STRIP1: variants seen among roughly 807,000 people sequenced by gnomAD.
The protein encoded by STRIP1 is striatin-interacting protein 1.
STRIP1 carries 63 observed loss-of-function variants against 106.2 expected under a neutral mutation model. The ratio of observed to expected loss-of-function variants is 0.59; its 90% confidence interval spans 0.48 to 0.73. The LOEUF (loss-of-function observed/expected upper bound fraction) is 0.73, where lower values mean the gene tolerates loss of function less well. Ranked by LOEUF, STRIP1 falls within the 30% of genes least tolerant of loss-of-function variation. The pLI is 0.00. For missense variants in STRIP1, 857 were observed against 1,074.8 expected, an observed-to-expected ratio of 0.80 and a Z score of 2.83; for synonymous variants, 390 against 413.0, an observed-to-expected ratio of 0.94 and a Z score of 0.67.
intron 10 of STRIP1, 57 bp downstream of exon 10, chr1:110,043,913 C>G (rs932753397): frequency 1.3e-6 from 2 of 1,505,746 alleles, no homozygotes; most frequent in Non-Finnish European, 1.8e-6. Context: ...CTCACACCCT[C>G]AGGCCTGCCA....
chr1:110,038,394 G>A (rs1388562000), intron 2 of STRIP1: 1 of 393,830 alleles, frequency 2.5e-6, no homozygotes, highest in East Asian at 5.0e-5. Flanking sequence ...AGAGGTAGCA[G>A]CCATTTGAGA....
chr1:110,043,564 G>C (rs932720815), intron 9 of STRIP1, 75 bp from the exon 10 acceptor site: 4 of 1,317,616 alleles, frequency 3.0e-6, no homozygotes, highest in African/African-American at 1.5e-5. Context: ...TGTATGTGCT[G>C]TGTCTCCTCT....
chr1:110,047,758 T>C lies in STRIP1; in HGVS notation c.1564-14T>C, dbSNP rs552598062. The stretch of plus-strand genomic sequence containing the variant: ...GGCTCTCAGACCTGTGTCTGAATGG[T>C]CTACTCTTCCCAGATTGCCCTCCTG... On this transcript the variant is annotated splice_polypyrimidine_tract_variant and intron_variant, in intron 14 of 20. Coordinates refer to ENST00000369795, the MANE Select transcript of STRIP1 (RefSeq NM_033088.4). 4 of 1,560,108 alleles carry C rather than the reference T, an allele frequency of 2.6e-6. No individual in the cohort carries two copies. The African/African-American group carries it at 5.4e-5, about 21-fold the overall frequency.
Position 110,047,601 on chromosome 1 carries a change from C to A in STRIP1, c.1548C>A (p.Ser516Arg). ...CCCTCTACCAAGGCTTGCTCCCCAG[C>A]CTGCCTCAGTATATGGTGAGTGGTG... ...AETLYQGLLP[S>R]LPQYMIALLK... The change falls in exon 14 of 21, where the codon AGC becomes AGA. Residue 516 changes from serine to arginine, a missense_variant. Ser to Arg is a moderately radical substitution (Grantham distance 110). Coordinates refer to ENST00000369795, the MANE Select transcript of STRIP1 (RefSeq NM_033088.4). 6.2e-7 allele frequency: 1 copy of A among 1,610,652 alleles called. No homozygotes were observed. The highest frequency in any genetic ancestry group is 8.5e-7 in the Non-Finnish European group (1 of 1,178,384).
Position 110,045,045 on chromosome 1 carries a change from G to A in STRIP1, c.1383G>A (p.Arg461=). 6.2e-7 allele frequency: 1 copy of A among 1,614,108 alleles called. No homozygotes were observed. Among genetic ancestry groups the A allele is most frequent in the Non-Finnish European group, 8.5e-7 (1 of 1,180,010 alleles). The part of the protein sequence containing the change: ...SDTNTVVGLP[R]PIHESIKTLK... ...CGAACACAGTGGTGGGGCTGCCCAG[G>A]CCAATCCACGAAAGCATCAAGACTC... The change falls in exon 12 of 21, where the codon AGG becomes AGA. Residue 461 remains arginine (R), a synonymous_variant. Coordinates refer to ENST00000369795, the MANE Select transcript of STRIP1 (RefSeq NM_033088.4).
At chr1:110,046,654 C>G in intron 12 of STRIP1, 26 bp from the exon 13 acceptor site, 1 of 1,609,688 alleles carries the variant, frequency 6.2e-7, no homozygotes, top group South Asian at 1.1e-5. Flanking sequence ...TTTCCCCAGC[C>G]CTTCTTTTCC....
chr1:110,042,818 A>T (rs1652826938), intron 8 of STRIP1: 1 of 350,054 alleles, frequency 2.9e-6, no homozygotes, highest in Admixed American at 4.6e-5. Flanking sequence ...TTTTAAATTG[A>T]AGAGTATGTC....
rs192921031 is a variant in STRIP1 at position 110,043,943 on chromosome 1, T to C, written c.1286+87T>C. 354 of 1,238,010 alleles carry C rather than the reference T, an allele frequency of 2.9e-4. No homozygotes were observed. In the African/African-American group the frequency reaches 4.7e-3, roughly 16 times the overall value. The allele number at this position is 1,238,010 out of a possible 1,614,324, so 76.7% of individuals were successfully genotyped here. A position where few individuals can be genotyped will look rare whatever the true frequency, so the allele number is the denominator to read the frequency against. ...CTGCCACCTGGCCTGTGTCACCATG[T>C]GTGGTCCTCTGCAGGGCAGGCTGAC... is the stretch of plus-strand genomic sequence containing the variant. On this transcript the variant is annotated intron_variant, in intron 10 of 20. Transcript: ENST00000369795.
Position 110,051,203 on chromosome 1 carries a change from T to G in STRIP1, c.2061+143T>G, listed in dbSNP as rs1037437599. 3 of 633,444 alleles carry G rather than the reference T, an allele frequency of 4.7e-6. No homozygotes were observed. The African/African-American group carries it at 5.5e-5, about 12-fold the overall frequency. The allele number at this position is 633,444 out of a possible 1,614,324, so 39.2% of individuals were successfully genotyped here. ...GTATCCTTGCATTTTAAGGGCCAAT[T>G]CCCAGTTCCTTGATGAATTGAACTG... On this transcript the variant is annotated intron_variant, in intron 19 of 20. Coordinates refer to ENST00000369795, the MANE Select transcript of STRIP1 (RefSeq NM_033088.4).
intron 5 of STRIP1, chr1:110,039,899 T>C (rs1652676365): frequency 7.0e-6 from 9 of 1,293,600 alleles, no homozygotes; most frequent in African/African-American, 4.5e-5. Context: ...GCTCAACCAG[T>C]GCCTGGCCTT....
intron 20 of STRIP1, among the ~76,000 whole-genome samples, chr1:110,053,273 T>A (rs1015914062): frequency 3.3e-5 from 5 of 152,232 alleles, no homozygotes; most frequent in South Asian, 2.1e-4. Flanking sequence ...GTACTCTCAA[T>A]GCCCTGTGAA....
intron 20 of STRIP1, 120 bp downstream of exon 20, chr1:110,052,007 A>C: frequency 9.4e-7 from 1 of 1,067,336 alleles, no homozygotes; most frequent in South Asian, 1.5e-5. Flanking sequence ...AAGGAACAGG[A>C]AGGAGCCCAG....
At chr1:110,040,541 A>G in intron 5 of STRIP1, 94 bp from the exon 6 acceptor site, 2 of 1,223,962 alleles carry the variant, frequency 1.6e-6, no homozygotes, top group Non-Finnish European at 2.3e-6. Context: ...AGCACGTATC[A>G]CAGCATTTTG....
chr1:110,039,465 G>A lies in STRIP1; in HGVS notation c.531G>A (p.Leu177=), dbSNP rs1652651929. 1 of 1,612,326 alleles carries A rather than the reference G, an allele frequency of 6.2e-7. No individual in the cohort carries two copies. The highest frequency in any genetic ancestry group is 1.3e-5 in the African/African-American group (1 of 74,902). ...SWMRYNIFLL[L]EVGTFNALVE... ...TGCGCTACAACATCTTTCTCCTCCT[G>A]GAGGTGGGCACGTTCAATGCTTTGG... is the stretch of plus-strand genomic sequence containing the variant. The change falls in exon 5 of 21, where the codon CTG becomes CTA. Residue 177 remains leucine (L), a synonymous_variant. Transcript: ENST00000369795.
chr1:110,051,048 T>A lies in STRIP1; in HGVS notation c.2049T>A (p.His683Gln). The A allele has an allele frequency of 6.2e-7, 1 of 1,607,302 alleles. No individual in the cohort carries two copies. The highest frequency in any genetic ancestry group is 8.5e-7 in the Non-Finnish European group (1 of 1,173,780). ...TGAACAAGCTGACAAAGTGGAAGCA[T>A]TCAAGGACAATGGTAAGTGAGTCAG... Reference protein sequence around the residue: ...RILNKLTKWKHSRTMMLVVFK... With the variant: ...RILNKLTKWKQSRTMMLVVFK... Residue 683 changes from histidine to glutamine, a missense_variant, in exon 19 of 21, where the codon CAT becomes CAA. This residue lies in a region of STRIP1 where 750 missense variants were observed against 989.8 expected (regional missense o/e 0.76). Coordinates refer to ENST00000369795, the MANE Select transcript of STRIP1 (RefSeq NM_033088.4).
chr1:110,036,817 TTTTTG>T (rs965484088), intron 1 of STRIP1, among the ~76,000 whole-genome samples: 14 of 151,966 alleles, frequency 9.2e-5, no homozygotes, highest in South Asian at 4.2e-4. Flanking sequence ...GTGGGTATGT[TTTTTG>T]TTTTGTTTTG....
rs371685355 is a variant in STRIP1 at position 110,053,919 on chromosome 1, T to C, written c.*7T>C. The C allele has an allele frequency of 7.4e-6, 12 of 1,613,760 alleles. 1 individual carries two copies. The Admixed American group carries it at 1.3e-4, about 18-fold the overall frequency. ...GGAAGAGCTGCTGCAGTGAGGCTGT[T>C]GGTTAGGGGACTGAAATGGAGAGAA... is the stretch of plus-strand genomic sequence containing the variant. On this transcript the variant is annotated 3_prime_UTR_variant, in exon 21 of 21. Transcript: ENST00000369795.
intron 10 of STRIP1, among the ~76,000 whole-genome samples, chr1:110,044,358 A>G (rs527578593): frequency 1.3e-5 from 2 of 152,372 alleles, no homozygotes; most frequent in South Asian, 4.1e-4. Flanking sequence ...GAGAGGATAT[A>G]GAAGTCGCTT....
intron 5 of STRIP1, chr1:110,039,787 G>A: frequency 7.5e-7 from 1 of 1,340,438 alleles, no homozygotes; most frequent in Non-Finnish European, 9.9e-7. Flanking sequence ...TCCTCAGAAG[G>A]AGACTCTTCA....
Sources: gnomAD v4.1 joint callset for allele counts (sites outside exome capture counted in the v4.1 genomes callset) on GRCh38, gnomAD v4.1.1 for gene constraint, gnomAD v4.1.1 regional missense constraint, MANE v1.5 for transcripts, NCBI Gene and HGNC (gene_info 2026-07-23, HGNC 2026-07-21) for gene names.